The following ATIC variants were observed in gnomAD, a reference collection of about 807,000 sequenced individuals.
ATIC encodes the protein bifunctional purine biosynthesis protein ATIC.
In ATIC, 64 loss-of-function variants were observed where a neutral mutation model predicts 72.5. The observed-to-expected ratio is 0.88, with a 90% confidence interval of 0.72 to 1.09. The LOEUF (loss-of-function observed/expected upper bound fraction) is 1.09, where lower values mean the gene tolerates loss of function less well. Among genes scored for constraint, ATIC ranks in the 50% least tolerant of loss-of-function variants. The probability of loss-of-function intolerance (pLI) is 0.00; values close to 1 mark genes in which losing one functional copy is unlikely to be tolerated. For synonymous variants in ATIC, 281 were observed against 267.1 expected (o/e 1.05, Z -0.51); for missense variants, 787 against 732.4 (o/e 1.07, Z -0.86).
At chr2:215,349,326 T>G (rs778640829) in intron 15 of ATIC, 77 bp downstream of exon 15, 1 of 1,604,922 alleles carries the variant, frequency 6.2e-7, no homozygotes, top group Non-Finnish European at 8.5e-7. Flanking sequence ...GCTTTTGATT[T>G]TTAAAAGGTG....
chr2:215,367,388 A>G, the ATIC span, among the ~76,000 whole-genome samples: 2 of 152,162 alleles, frequency 1.3e-5, no homozygotes, highest in East Asian at 1.9e-4. Context: ...TACCTGGGCT[A>G]TGTGTGTGAC....
rs138983314 is a variant in ATIC at position 215,330,639 on chromosome 2, T to C, written c.689-1743T>C. ...TAGTTTCAATGCCCTAAAACTCCCT[T>C]GTGCTCCTCCGCCTCATCCCTCCTT... On this transcript the variant is annotated intron_variant, in intron 7 of 15. Coordinates refer to ENST00000236959, the MANE Select transcript of ATIC (RefSeq NM_004044.7). Among the ~76,000 whole-genome samples, 389 of 152,240 alleles carry C rather than the reference T, an allele frequency of 2.6e-3. 1 individual carries two copies. The highest frequency in any genetic ancestry group is 8.7e-3 in the African/African-American group (361 of 41,554).
At chr2:215,352,747 G>T (rs768698912), downstream of ATIC, among the ~76,000 whole-genome samples, 9 of 132,030 alleles carry the variant, frequency 6.8e-5, no homozygotes, top group South Asian at 2.9e-4. Context: ...TCAGTTTTTT[G>T]ATTGTGCAAC....
intron 1 of ATIC, 87 bp downstream of exon 1, chr2:215,312,248 A>G: frequency 2.1e-6 from 3 of 1,448,626 alleles, no homozygotes; most frequent in Non-Finnish European, 2.7e-6. Context: ...GGGACCCGGC[A>G]CTGCAGGGGC....
chr2:215,344,406 G>A (rs2106038999), intron 12 of ATIC, among the ~76,000 whole-genome samples: 1 of 152,246 alleles, frequency 6.6e-6, no homozygotes, highest in East Asian at 1.9e-4. Flanking sequence ...ACTTAAAGTT[G>A]GCCAGGTGTG....
chr2:215,367,941 G>A, the ATIC span: 3 of 1,614,010 alleles, frequency 1.9e-6, no homozygotes, highest in Non-Finnish European at 8.5e-7. Flanking sequence ...TCAGACATTC[G>A]TTCCCACTCA....
At chr2:215,312,465 GC>G in intron 1 of ATIC, 32 bp from the exon 2 acceptor site, 2 of 1,614,218 alleles carry the variant, frequency 1.2e-6, no homozygotes, top group Non-Finnish European at 1.7e-6. Flanking sequence ...GCAATGTGCT[GC>G]GAATCATGAG....
intron 2 of ATIC, among the ~76,000 whole-genome samples, chr2:215,317,101 C>A (rs1477211906): frequency 6.6e-6 from 1 of 152,112 alleles, no homozygotes; most frequent in Non-Finnish European, 1.5e-5. Flanking sequence ...GGCATTTTTA[C>A]ACACCATTAC....
At chr2:215,348,969 T>A (rs540127910) in intron 14 of ATIC, 125 bp from the exon 15 acceptor site, 11,544 of 694,664 alleles carry the variant, frequency 0.017, 101 homozygotes, top group African/African-American at 0.049. Context: ...AAAAAAAAAA[T>A]AATAATAATA....
At chr2:215,320,714 A>G (rs1575114383) in intron 4 of ATIC, among the ~76,000 whole-genome samples, 2 of 152,076 alleles carry the variant, frequency 1.3e-5, no homozygotes, top group African/African-American at 4.8e-5. Context: ...TGAGTAGCTG[A>G]GATTACAGGC....
chr2:215,336,202 TA>T (rs1307347128), intron 11 of ATIC, 78 bp downstream of exon 11: 1 of 1,082,560 alleles, frequency 9.2e-7, no homozygotes, highest in Non-Finnish European at 1.4e-6. Flanking sequence ...CTCTTTCCTT[TA>T]TACTCATACC....
the ATIC span, chr2:215,361,961 G>C: frequency 5.6e-6 from 9 of 1,609,696 alleles, no homozygotes; most frequent in East Asian, 2.0e-4. Flanking sequence ...TGCTGCTAAT[G>C]CACTTACAGT....
intron 11 of ATIC, 163 bp from the exon 12 acceptor site, chr2:215,338,616 C>T: frequency 6.3e-6 from 4 of 639,126 alleles, no homozygotes; most frequent in Non-Finnish European, 1.0e-5. Context: ...AATGATTTAA[C>T]ACATCATTTG....
At chr2:215,338,449 A>G (rs2052980557) in intron 11 of ATIC, among the ~76,000 whole-genome samples, 4 of 152,216 alleles carry the variant, frequency 2.6e-5, no homozygotes, top group Admixed American at 2.6e-4. Flanking sequence ...CTTAACCAAA[A>G]ATACACTCAC....
chr2:215,334,811 T>A, intron 9 of ATIC, 108 bp from the exon 10 acceptor site: 1 of 863,730 alleles, frequency 1.2e-6, no homozygotes, highest in Non-Finnish European at 1.9e-6. Context: ...ATGTAAACAG[T>A]AAGATTAGCT....
At chr2:215,333,823 A>G (rs2052923014) in intron 9 of ATIC, among the ~76,000 whole-genome samples, 1 of 152,016 alleles carries the variant, frequency 6.6e-6, no homozygotes, top group Non-Finnish European at 1.5e-5. Flanking sequence ...CGGGCAGATC[A>G]CGAGGTCAGG....
chr2:215,313,412 G>A (rs1271337704), intron 2 of ATIC, among the ~76,000 whole-genome samples: 1 of 152,144 alleles, frequency 6.6e-6, no homozygotes, highest in African/African-American at 2.4e-5. Flanking sequence ...ATGGAAAGAA[G>A]GGACTTAGAA....
chr2:215,314,509 T>C (rs1056029549), intron 2 of ATIC, among the ~76,000 whole-genome samples: 30 of 152,142 alleles, frequency 2.0e-4, no homozygotes, highest in African/African-American at 7.0e-4. Context: ...TTTTTTTTTT[T>C]TTCTCTGAGA....
chr2:215,320,798 C>G (rs2052758623), intron 4 of ATIC, among the ~76,000 whole-genome samples: 1 of 152,130 alleles, frequency 6.6e-6, no homozygotes, highest in African/African-American at 2.4e-5. Flanking sequence ...TCAGGCTGCT[C>G]TTGGAACTCC....
Sources: gnomAD v4.1 joint callset for allele counts (sites outside exome capture counted in the v4.1 genomes callset) on GRCh38, gnomAD v4.1.1 for gene constraint, MANE v1.5 for transcripts, NCBI Gene and HGNC (gene_info 2026-07-23, HGNC 2026-07-21) for gene names.